The following NTM variants were observed in gnomAD, a reference collection of about 807,000 sequenced individuals.
NTM encodes the protein IgLON family member 2.
Under a neutral mutation model 42.1 loss-of-function variants are expected in NTM, and 13 were observed. The observed-to-expected ratio is 0.31, with a 90% CI of 0.20 to 0.49. The LOEUF is 0.49. Among genes scored for constraint, NTM ranks in the 20% least tolerant of loss-of-function variants. The pLI, the probability that NTM is intolerant of heterozygous loss-of-function variation, is 0.99. For synonymous variants in NTM, 187 were observed against 179.2 expected, an observed-to-expected ratio of 1.04 and a Z score of -0.35; for missense variants, 373 against 452.8, an observed-to-expected ratio of 0.82 and a Z score of 1.60.
chr11:131,994,904 C>A (rs970850760), intron 2 of NTM, among the ~76,000 whole-genome samples: 4 of 152,144 alleles, frequency 2.6e-5, no homozygotes, highest in African/African-American at 9.7e-5. Flanking sequence ...CACTAGATAC[C>A]TAAAAGCTGT....
At chr11:132,184,679 C>A (rs937856060) in intron 3 of NTM, among the ~76,000 whole-genome samples, 5 of 152,152 alleles carry the variant, frequency 3.3e-5, no homozygotes, top group African/African-American at 1.2e-4. Context: ...GGCCACAAAG[C>A]TTCAAAACTG....
chr11:131,544,765 T>G lies in NTM; in HGVS notation c.82+173877T>G, dbSNP rs11222691. The stretch of plus-strand genomic sequence containing the variant: ...TGGGCATACAAGGACCTGTGAAGAG[T>G]GGACGTGTGAGTCTGACAGAGCCTC... On this transcript the variant is annotated intron_variant, in intron 1 of 8. Transcript: ENST00000683400. 1.6e-4 allele frequency among the ~76,000 whole-genome samples: 24 copies of G among 152,240 alleles called. No homozygotes were observed. The East Asian group carries it at 4.6e-3, about 29-fold the overall frequency.
chr11:131,671,673 A>G, intron 1 of NTM: 1 of 908,944 alleles, frequency 1.1e-6, no homozygotes, highest in Non-Finnish European at 1.3e-6. Context: ...TATAGGAAGC[A>G]GACGCCTTGG....
At chr11:132,031,198 C>G (rs1476561361) in intron 2 of NTM, among the ~76,000 whole-genome samples, 1 of 152,216 alleles carries the variant, frequency 6.6e-6, no homozygotes, top group Non-Finnish European at 1.5e-5. Flanking sequence ...ATCTACCACA[C>G]AAACCAGAAA....
At chr11:132,107,759 T>G (rs566795849) in intron 2 of NTM, among the ~76,000 whole-genome samples, 1 of 152,274 alleles carries the variant, frequency 6.6e-6, no homozygotes, top group African/African-American at 2.4e-5. Context: ...GTTCCTAATG[T>G]TCTTGACTTC....
chr11:131,762,544 G>A (rs2084379123), intron 1 of NTM, among the ~76,000 whole-genome samples: 1 of 152,230 alleles, frequency 6.6e-6, no homozygotes, highest in African/African-American at 2.4e-5. Context: ...TGGAGGACCT[G>A]AAGCCGGGCA....
At chr11:131,676,132 G>A (rs903639320) in intron 1 of NTM, among the ~76,000 whole-genome samples, 13 of 152,278 alleles carry the variant, frequency 8.5e-5, no homozygotes, top group Non-Finnish European at 1.5e-4. Context: ...TGGATAATTT[G>A]ATTTTTAGCA....
intron 2 of NTM, among the ~76,000 whole-genome samples, chr11:132,046,822 C>G (rs1407056309): frequency 6.6e-6 from 1 of 152,064 alleles, no homozygotes. Flanking sequence ...GTCTATCTAT[C>G]TAACTATCTA....
At chr11:132,009,490 T>A (rs1014938508) in intron 2 of NTM, among the ~76,000 whole-genome samples, 1 of 152,208 alleles carries the variant, frequency 6.6e-6, no homozygotes, top group Non-Finnish European at 1.5e-5. Flanking sequence ...AGGGATGTCG[T>A]TTCTGGCACT....
chr11:132,163,214 C>T (rs932374669), intron 3 of NTM, among the ~76,000 whole-genome samples: 4 of 152,136 alleles, frequency 2.6e-5, no homozygotes, highest in Non-Finnish European at 5.9e-5. Flanking sequence ...GGTTGAGTCC[C>T]GAGGATCTCC....
intron 1 of NTM, chr11:131,794,934 A>G: frequency 2.0e-6 from 2 of 985,206 alleles, no homozygotes; most frequent in Non-Finnish European, 2.4e-6. Flanking sequence ...CTTTGGAGTT[A>G]GGGGAACCTG....
intron 1 of NTM, among the ~76,000 whole-genome samples, chr11:131,876,411 T>TGAG (rs1274285753): frequency 6.6e-6 from 1 of 152,224 alleles, no homozygotes; most frequent in Non-Finnish European, 1.5e-5. Context: ...GCTAGTGGAT[T>TGAG]ATCCATAACC....
chr11:131,569,403 C>T (rs1006873695), intron 1 of NTM, among the ~76,000 whole-genome samples: 4 of 152,116 alleles, frequency 2.6e-5, no homozygotes, highest in African/African-American at 9.7e-5. Flanking sequence ...GCCTTGGCCT[C>T]CCAAAGTGCT....
intron 2 of NTM, among the ~76,000 whole-genome samples, chr11:131,974,438 C>T (rs55670418): frequency 0.18 from 26,639 of 152,134 alleles, 2,354 homozygotes; most frequent in South Asian, 0.2. Context: ...ACAATTTGAA[C>T]AGTGATGAGC....
chr11:132,229,588 A>G (rs1311244388), intron 4 of NTM, among the ~76,000 whole-genome samples: 1 of 152,210 alleles, frequency 6.6e-6, no homozygotes, highest in Non-Finnish European at 1.5e-5. Context: ...ACGGTATTTT[A>G]CAGAAAAGAA....
intron 1 of NTM, among the ~76,000 whole-genome samples, chr11:131,523,044 A>G (rs934115248): frequency 1.3e-5 from 2 of 152,184 alleles, no homozygotes; most frequent in Admixed American, 1.3e-4. Flanking sequence ...AGCATCTACC[A>G]CATTTTTAAA....
intron 2 of NTM, among the ~76,000 whole-genome samples, chr11:132,017,625 G>C (rs2073643905): frequency 6.6e-6 from 1 of 151,876 alleles, no homozygotes; most frequent in South Asian, 2.1e-4. Context: ...TTTTGTTTTA[G>C]TTTTTTCTAT....
intron 1 of NTM, chr11:131,660,252 T>A (rs1488526460): frequency 2.9e-6 from 1 of 341,552 alleles, no homozygotes; most frequent in East Asian, 7.5e-5. Flanking sequence ...TTCAGGTGGT[T>A]GTTGGCCTCA....
intron 1 of NTM, among the ~76,000 whole-genome samples, chr11:131,413,850 G>A (rs1359566207): frequency 1.3e-5 from 2 of 152,160 alleles, no homozygotes; most frequent in East Asian, 1.9e-4. Flanking sequence ...CATGGTTACT[G>A]TGTTGATCTG....
Sources: allele counts gnomAD v4.1 joint callset (sites outside exome capture counted in the v4.1 genomes callset), GRCh38; gene constraint gnomAD v4.1.1; transcripts MANE v1.5; gene names NCBI Gene and HGNC (gene_info 2026-07-23, HGNC 2026-07-21).